Variants in NDUFAF6 observed in about 807,000 individuals in gnomAD.
NDUFAF6 encodes the protein NADH:ubiquinone oxidoreductase complex assembly factor 6, also known as NADH dehydrogenase (ubiquinone) complex I, assembly factor 6.
In NDUFAF6, 45 loss-of-function variants were observed where a neutral mutation model predicts 40.8. That is an observed-to-expected ratio of 1.10 (90% CI 0.87 to 1.42). The LOEUF (loss-of-function observed/expected upper bound fraction) is 1.42, where lower values mean the gene tolerates loss of function less well. Ranked by LOEUF, NDUFAF6 falls within the 40% of genes most tolerant of loss-of-function variation. The pLI is 0.00. For synonymous variants in NDUFAF6, 185 were observed against 155.9 expected (o/e 1.19, Z -1.39); for missense variants, 435 against 418.5 (o/e 1.04, Z -0.34).
chr8:95,074,030 T>A (rs184355281), intron 9 of NDUFAF6, among the ~76,000 whole-genome samples: 150 of 152,296 alleles, frequency 9.8e-4, no homozygotes, highest in Middle Eastern at 3.4e-3. Context: ...AAATTCAGAC[T>A]GAAATATTTA....
At chr8:94,948,351 A>G (rs868180161) in intron 2 of NDUFAF6, among the ~76,000 whole-genome samples, 1 of 152,202 alleles carries the variant, frequency 6.6e-6, no homozygotes, top group South Asian at 2.1e-4. Flanking sequence ...ATGAGAATCA[A>G]CTGGGGCGAT....
At chr8:94,895,995 G>C (rs1479544699) in intron 1 of NDUFAF6, 1 of 152,388 alleles carries the variant, frequency 6.6e-6, no homozygotes, top group African/African-American at 2.4e-5. Flanking sequence ...TGGGTCGGTC[G>C]CTCCCCCAAC....
chr8:94,945,514 C>A (rs1219169480), exon 2 of NDUFAF6: 1 of 152,120 alleles, frequency 6.6e-6, no homozygotes, highest in Non-Finnish European at 1.5e-5. Flanking sequence ...AAAGGCCTAC[C>A]CTCCTACTGA....
At chr8:95,116,976 C>T (rs532061419), downstream of NDUFAF6, among the ~76,000 whole-genome samples, 72 of 152,302 alleles carry the variant, frequency 4.7e-4, 2 homozygotes, top group Admixed American at 9.8e-4. Flanking sequence ...CAGATGCCAA[C>T]AGTCCTGGGA....
At chr8:94,988,120 CTT>C (rs779397697) in intron 2 of NDUFAF6, among the ~76,000 whole-genome samples, 11 of 152,252 alleles carry the variant, frequency 7.2e-5, no homozygotes, top group Non-Finnish European at 1.5e-4. Context: ...AGAAATAAAA[CTT>C]TACTGATATC....
In NDUFAF6 at chr8:95,069,795, TTA is replaced by T. The variant is rs1239142680; in HGVS notation, c.*512-5823_*512-5822del. On this transcript the variant is annotated intron_variant and NMD_transcript_variant, in intron 9 of 9. Coordinates refer to the NDUFAF6 transcript ENST00000520757. Reference sequence around the variant, plus strand: ...GACTCCGCGTCAAAAAAAAAAAAAATTATATATATATATATAAATATATATAT... The same window carrying T: ...GACTCCGCGTCAAAAAAAAAAAAAATTATATATATATATAAATATATATAT... Among the ~76,000 whole-genome samples, 756 of 142,104 alleles carry T rather than the reference TTA, an allele frequency of 5.3e-3. 20 individuals are homozygous for T. The highest frequency in any genetic ancestry group is 0.018 in the African/African-American group (711 of 38,462). The allele number at this position is 142,104 out of a possible 152,430, so 93.2% of individuals were successfully genotyped here.
chr8:95,082,835 A>AT (rs957666286), intron 2 of NDUFAF6, among the ~76,000 whole-genome samples: 1 of 151,742 alleles, frequency 6.6e-6, no homozygotes, highest in African/African-American at 2.4e-5. Flanking sequence ...AATTTTTTGT[A>AT]TTTTTTAGTA....
intron 1 of NDUFAF6, among the ~76,000 whole-genome samples, chr8:94,970,170 G>A (rs558124317): frequency 2.0e-5 from 3 of 147,096 alleles, no homozygotes; most frequent in African/African-American, 5.0e-5. Context: ...CAGGGGAATC[G>A]CTTGAACGTG....
chr8:95,106,995 AGAGGATGTGG>A (rs1323931071), downstream of NDUFAF6, among the ~76,000 whole-genome samples: 8 of 152,234 alleles, frequency 5.3e-5, no homozygotes, highest in Non-Finnish European at 1.0e-4. Context: ...CAGATACTGG[AGAGGATGTGG>A]AGAAGTAGGA....
intron 6 of NDUFAF6, among the ~76,000 whole-genome samples, chr8:95,047,457 A>G (rs1485746053): frequency 1.4e-5 from 2 of 147,210 alleles, no homozygotes; most frequent in African/African-American, 5.0e-5. Flanking sequence ...ATTTTATTGG[A>G]GTAAGTCATT....
At position 95,057,835 on chromosome 8, in the gene NDUFAF6, A is replaced by G. The variant is rs764184689; in HGVS notation, c.900A>G (p.Lys300=). 1 of 1,612,830 alleles carries G rather than the reference A, an allele frequency of 6.2e-7. No individual in the cohort carries two copies. The stretch of plus-strand genomic sequence containing the variant: ...TTTCTCTAGAGGACTTTCTAAAGAA[A>G]ATTCAGCGAGTGGATTTTGATATAT... ...QTVSLEDFLK[K]IQRVDFDIFH... The change falls in exon 9 of 9, where the codon AAA becomes AAG. Residue 300 remains lysine, a synonymous_variant. Transcript: ENST00000396124.
downstream of NDUFAF6, among the ~76,000 whole-genome samples, chr8:95,104,825 T>G (rs1809769552): frequency 6.6e-6 from 1 of 152,034 alleles, no homozygotes; most frequent in South Asian, 2.1e-4. Context: ...CAGCACTACA[T>G]TGGTTGGTCA....
chr8:95,064,441 G>C (rs1832650458), intron 9 of NDUFAF6, among the ~76,000 whole-genome samples: 2 of 151,786 alleles, frequency 1.3e-5, no homozygotes, highest in African/African-American at 2.4e-5. Context: ...AAAAATCATG[G>C]GGGAAAAAAT....
intron 2 of NDUFAF6, among the ~76,000 whole-genome samples, chr8:94,997,349 G>C (rs868598356): frequency 0.039 from 5,206 of 134,332 alleles, 122 homozygotes; most frequent in Middle Eastern, 0.088. Context: ...CACACAGAGA[G>C]AGAGAGAGAG....
At chr8:95,060,393 A>G, downstream of NDUFAF6, among the ~76,000 whole-genome samples, 1 of 152,230 alleles carries the variant, frequency 6.6e-6, no homozygotes, top group East Asian at 1.9e-4. Flanking sequence ...AGTATAAATT[A>G]CAGATTATTC....
intron 1 of NDUFAF6, chr8:95,101,098 AG>A (rs1809633392): frequency 6.6e-6 from 1 of 152,240 alleles, no homozygotes; most frequent in Admixed American, 6.5e-5. Context: ...TTTTACTTAT[AG>A]TAATTGCCTG....
chr8:95,025,699 T>G (rs139750732), intron 1 of NDUFAF6, among the ~76,000 whole-genome samples: 1 of 152,264 alleles, frequency 6.6e-6, no homozygotes, highest in Non-Finnish European at 1.5e-5. Context: ...GCACAGTGAG[T>G]GGAAGTCATT....
upstream of NDUFAF6, among the ~76,000 whole-genome samples, chr8:95,021,722 T>C (rs10086541): frequency 0.14 from 21,422 of 152,256 alleles, 1,547 homozygotes; most frequent in Middle Eastern, 0.25. Flanking sequence ...CTTTGACCTT[T>C]ATCTATATCC....
At chr8:95,016,573 C>T (rs985064130) in intron 2 of NDUFAF6, among the ~76,000 whole-genome samples, 11 of 152,088 alleles carry the variant, frequency 7.2e-5, no homozygotes, top group African/African-American at 2.4e-4. Flanking sequence ...GAAACCCTGT[C>T]TCTACTAAAA....
Sources: allele counts gnomAD v4.1 joint callset (sites outside exome capture counted in the v4.1 genomes callset), GRCh38; gene constraint gnomAD v4.1.1; transcripts MANE v1.5; gene names NCBI Gene and HGNC (gene_info 2026-07-23, HGNC 2026-07-21).